The following STK32A variants were observed in gnomAD, a reference collection of about 807,000 sequenced individuals.
STK32A encodes serine/threonine kinase 32A.
STK32A carries 41 observed loss-of-function variants against 53.2 expected under a neutral mutation model. That is an observed-to-expected ratio of 0.77 (90% confidence interval 0.60 to 1.00). The LOEUF (loss-of-function observed/expected upper bound fraction) is 1.00, where lower values mean the gene tolerates loss of function less well. Ranked by LOEUF, STK32A falls within the 50% of genes least tolerant of loss-of-function variation. The probability of loss-of-function intolerance (pLI) is 0.00; values close to 1 mark genes in which losing one functional copy is unlikely to be tolerated. For synonymous variants in STK32A, 166 were observed against 162.8 expected (o/e 1.02, Z -0.15); for missense variants, 458 against 485.8 (o/e 0.94, Z 0.54).
intron 6 of STK32A, among the ~76,000 whole-genome samples, chr5:147,345,583 A>G (rs961013124): frequency 5.3e-5 from 8 of 152,220 alleles, no homozygotes; most frequent in African/African-American, 1.9e-4. Flanking sequence ...TCTACTTCTT[A>G]GATCTTGTGT....
At chr5:147,292,371 A>T (rs1227782384) in intron 4 of STK32A, among the ~76,000 whole-genome samples, 2 of 152,218 alleles carry the variant, frequency 1.3e-5, no homozygotes, top group Non-Finnish European at 2.9e-5. Context: ...CACAAATAAC[A>T]ATATTGCCAT....
At chr5:147,279,637 G>T (rs73794398) in intron 4 of STK32A, among the ~76,000 whole-genome samples, 476 of 152,292 alleles carry the variant, frequency 3.1e-3, no homozygotes, top group African/African-American at 0.011. Flanking sequence ...GTCATGTAAG[G>T]GGGGGTTTGA....
intron 6 of STK32A, among the ~76,000 whole-genome samples, chr5:147,346,899 G>A (rs1253986919): frequency 1.3e-5 from 2 of 152,178 alleles, no homozygotes; most frequent in African/African-American, 4.8e-5. Context: ...CTCAGCGTAG[G>A]AGGTGAGAAA....
chr5:147,338,271 G>C (rs1399297534), intron 5 of STK32A, among the ~76,000 whole-genome samples: 2 of 152,094 alleles, frequency 1.3e-5, no homozygotes, highest in African/African-American at 4.8e-5. Flanking sequence ...GTTTTATAAA[G>C]GGCAATTCCC....
chr5:147,276,964 G>A (rs1314376910), intron 2 of STK32A, among the ~76,000 whole-genome samples: 2 of 152,076 alleles, frequency 1.3e-5, no homozygotes, highest in African/African-American at 4.8e-5. Flanking sequence ...ATGACTAAGT[G>A]GGTTTTGTGA....
chr5:147,257,935 A>C (rs1754308330), intron 2 of STK32A, among the ~76,000 whole-genome samples: 1 of 152,004 alleles, frequency 6.6e-6, no homozygotes, highest in Non-Finnish European at 1.5e-5. Context: ...TTTACTGAGA[A>C]ATTTCCTTTA....
chr5:147,376,060 A>T (rs907577136), intron 11 of STK32A: 1 of 152,136 alleles, frequency 6.6e-6, no homozygotes, highest in Non-Finnish European at 1.5e-5. Flanking sequence ...AATGATTGAG[A>T]TATAATTTCT....
the STK32A span, chr5:147,394,014 C>T: frequency 2.7e-5 from 43 of 1,612,890 alleles, no homozygotes; most frequent in Non-Finnish European, 3.6e-5. Flanking sequence ...GCTTCTGCCC[C>T]TCTCTTTGAG....
intron 2 of STK32A, among the ~76,000 whole-genome samples, chr5:147,260,553 C>T (rs4629642): frequency 6.8e-6 from 1 of 147,844 alleles, no homozygotes; most frequent in South Asian, 2.1e-4. Context: ...TGCCTGTCCT[C>T]GAAGGCTCAA....
At chr5:147,282,567 C>CACATA (rs1422103707) in intron 4 of STK32A, among the ~76,000 whole-genome samples, 5 of 152,136 alleles carry the variant, frequency 3.3e-5, no homozygotes, top group Non-Finnish European at 7.4e-5. Context: ...CATAAGTACT[C>CACATA]ACATAAACAT....
At position 147,278,162 on chromosome 5, in the gene STK32A, A is replaced by G; in HGVS notation, c.91A>G (p.Lys31Glu). The G allele has an allele frequency of 6.2e-7, 1 of 1,600,766 alleles. No individual in the cohort carries two copies. The highest frequency in any genetic ancestry group is 8.5e-7 in the Non-Finnish European group (1 of 1,173,042). ...CTTTGAAATTTTGCGAGCCATTGGG[A>G]AAGGCAGTTTTGGGAAGGTGAGAAC... ...DHFEILRAIG[K>E]GSFGKVCIVQ... Residue 31 changes from lysine to glutamate, a missense_variant, in exon 3 of 13, where the codon AAA (lysine) becomes GAA (glutamate). Lys to Glu is a moderately conservative substitution (Grantham distance 56). Coordinates refer to ENST00000397936, the MANE Select transcript of STK32A (RefSeq NM_001112724.2).
chr5:147,279,488 T>C, intron 4 of STK32A, 90 bp downstream of exon 4: 1 of 1,187,090 alleles, frequency 8.4e-7, no homozygotes, highest in Non-Finnish European at 1.2e-6. Flanking sequence ...ACCTCAGCCC[T>C]GGCTGGTATC....
At chr5:147,315,729 A>T (rs932849679) in intron 4 of STK32A, among the ~76,000 whole-genome samples, 4 of 152,200 alleles carry the variant, frequency 2.6e-5, no homozygotes, top group African/African-American at 9.6e-5. Flanking sequence ...AAATTATATG[A>T]TATGTATATT....
intron 11 of STK32A, among the ~76,000 whole-genome samples, chr5:147,377,504 T>C (rs1757279908): frequency 6.6e-6 from 1 of 152,152 alleles, no homozygotes; most frequent in East Asian, 1.9e-4. Context: ...TCTGTTGCTA[T>C]TGAAAACTCG....
the STK32A span, among the ~76,000 whole-genome samples, chr5:147,397,460 GA>G: frequency 6.6e-6 from 1 of 151,972 alleles, no homozygotes; most frequent in Non-Finnish European, 1.5e-5. Context: ...AGTCATTTGG[GA>G]AAAAAAGCTC....
chr5:147,278,445 T>C (rs1020910048), intron 3 of STK32A, among the ~76,000 whole-genome samples: 2 of 152,172 alleles, frequency 1.3e-5, no homozygotes, highest in African/African-American at 4.8e-5. Flanking sequence ...AAGGCTTTTC[T>C]CTCTACCCTA....
intron 4 of STK32A, among the ~76,000 whole-genome samples, chr5:147,295,485 T>C (rs1752826382): frequency 6.6e-6 from 1 of 152,236 alleles, no homozygotes; most frequent in Non-Finnish European, 1.5e-5. Context: ...GAAGGCACGG[T>C]GGCTTTCATT....
intron 4 of STK32A, among the ~76,000 whole-genome samples, chr5:147,284,696 C>CAAAAAAAAA (rs869167577): frequency 4.7e-4 from 24 of 51,568 alleles, no homozygotes; most frequent in East Asian, 9.1e-4. Context: ...CAAGACAAAA[C>CAAAAAAAAA]AAAAAAACAA....
chr5:147,316,862 A>G (rs1328359356), intron 4 of STK32A, among the ~76,000 whole-genome samples: 1 of 140,152 alleles, frequency 7.1e-6, no homozygotes, highest in East Asian at 2.0e-4. Flanking sequence ...TTCTGGCGAA[A>G]AAAAAAAAAA....
Sources: allele counts gnomAD v4.1 joint callset (sites outside exome capture counted in the v4.1 genomes callset), GRCh38; gene constraint gnomAD v4.1.1; transcripts MANE v1.5; gene names NCBI Gene and HGNC (gene_info 2026-07-23, HGNC 2026-07-21).